The following ATOSA variants were observed in gnomAD, a reference collection of about 807,000 sequenced individuals.
The protein encoded by ATOSA is atos homolog A.
chr15:52,617,020 G>A, the ATOSA span, among the ~76,000 whole-genome samples: 1 of 152,092 alleles, frequency 6.6e-6, no homozygotes, highest in African/African-American at 2.4e-5. Flanking sequence ...TGAAATTAGA[G>A]AAGACAATCA....
the ATOSA span, chr15:52,657,849 T>C: frequency 6.6e-6 from 1 of 152,208 alleles, no homozygotes; most frequent in Non-Finnish European, 1.5e-5. Flanking sequence ...GAGACTATAA[T>C]TTTCTTTTTA....
chr15:52,673,854 G>C, the ATOSA span, among the ~76,000 whole-genome samples: 4 of 152,192 alleles, frequency 2.6e-5, no homozygotes, highest in African/African-American at 9.7e-5. Flanking sequence ...TTATGCTATA[G>C]TTAAGTTCAT....
At chr15:52,662,227 C>T in the ATOSA span, among the ~76,000 whole-genome samples, 1 of 152,096 alleles carries the variant, frequency 6.6e-6, no homozygotes, top group Non-Finnish European at 1.5e-5. Context: ...GAAGATACAT[C>T]TCTACTCTTA....
At chr15:52,609,896 A>G in the ATOSA span, 35 of 1,612,284 alleles carry the variant, frequency 2.2e-5, no homozygotes, top group Non-Finnish European at 3.0e-5. Context: ...TCAACCATTG[A>G]AAATGATTTT....
the ATOSA span, chr15:52,611,909 T>C: frequency 9.8e-5 from 78 of 798,618 alleles, no homozygotes; most frequent in Admixed American, 7.8e-4. Flanking sequence ...TTGCTCAGAA[T>C]TGGCTATCTA....
the ATOSA span, among the ~76,000 whole-genome samples, chr15:52,601,651 T>C: frequency 6.6e-6 from 1 of 151,986 alleles, no homozygotes. Context: ...TTACAGAGAA[T>C]AGATTTGAAA....
the ATOSA span, among the ~76,000 whole-genome samples, chr15:52,600,805 T>A: frequency 6.6e-6 from 1 of 151,546 alleles, no homozygotes; most frequent in Non-Finnish European, 1.5e-5. Context: ...TTTTTTTTTT[T>A]CCGTCAAAGA....
the ATOSA span, chr15:52,600,311 C>T: frequency 1.2e-6 from 1 of 852,340 alleles, no homozygotes; most frequent in African/African-American, 1.7e-5. Context: ...CAGGGTCTCA[C>T]TCTGTCACCC....
chr15:52,669,123 T>C, the ATOSA span, among the ~76,000 whole-genome samples: 1 of 151,944 alleles, frequency 6.6e-6, no homozygotes, highest in Non-Finnish European at 1.5e-5. Context: ...GGTTTCACCA[T>C]TGTTAGCCAG....
the ATOSA span, among the ~76,000 whole-genome samples, chr15:52,596,697 C>T: frequency 2.0e-4 from 31 of 152,124 alleles, no homozygotes; most frequent in Non-Finnish European, 3.4e-4. Context: ...AAACATCCCA[C>T]AATGCACAAA....
the ATOSA span, among the ~76,000 whole-genome samples, chr15:52,660,991 C>A: frequency 3.3e-5 from 5 of 152,154 alleles, no homozygotes; most frequent in Non-Finnish European, 7.4e-5. Context: ...TGGATTATCT[C>A]ATTTCCTCAT....
the ATOSA span, among the ~76,000 whole-genome samples, chr15:52,671,821 C>A: frequency 1.1e-4 from 16 of 150,892 alleles, no homozygotes; most frequent in Non-Finnish European, 1.8e-4. Flanking sequence ...GAAGGAATTT[C>A]GCATACCAGA....
the ATOSA span, among the ~76,000 whole-genome samples, chr15:52,693,107 C>T: frequency 6.6e-6 from 1 of 152,070 alleles, no homozygotes; most frequent in African/African-American, 2.4e-5. Context: ...AAGAGACATA[C>T]AAACGGAAAG....
the ATOSA span, among the ~76,000 whole-genome samples, chr15:52,681,890 T>G: frequency 6.6e-6 from 1 of 152,210 alleles, no homozygotes; most frequent in African/African-American, 2.4e-5. Context: ...ACTGGTTTGC[T>G]CACTTTATGA....
At chr15:52,612,707 G>A in the ATOSA span, among the ~76,000 whole-genome samples, 1 of 151,792 alleles carries the variant, frequency 6.6e-6, no homozygotes, top group South Asian at 2.1e-4. Context: ...GTTTCACTGT[G>A]TTGGCCAGGC....
At chr15:52,706,838 T>G in the ATOSA span, among the ~76,000 whole-genome samples, 1 of 152,134 alleles carries the variant, frequency 6.6e-6, no homozygotes, top group Non-Finnish European at 1.5e-5. Flanking sequence ...TATAAGATAT[T>G]CAGAATACGC....
chr15:52,635,955 C>T, the ATOSA span, among the ~76,000 whole-genome samples: 1 of 150,746 alleles, frequency 6.6e-6, no homozygotes. Context: ...GCCAAGATTG[C>T]ACCACTGCAC....
chr15:52,588,873 A>G, the ATOSA span, among the ~76,000 whole-genome samples: 1 of 152,262 alleles, frequency 6.6e-6, no homozygotes, highest in South Asian at 2.1e-4. Context: ...TCATTATTAT[A>G]CATTGTACAT....
the ATOSA span, among the ~76,000 whole-genome samples, chr15:52,695,991 A>G: frequency 0.81 from 122,520 of 151,988 alleles, 49,760 homozygotes; most frequent in African/African-American, 0.91. Context: ...GAGAGGGGAT[A>G]GAGGCCTAGA....
Sources: allele counts gnomAD v4.1 joint callset (sites outside exome capture counted in the v4.1 genomes callset), GRCh38; gene constraint gnomAD v4.1.1; transcripts MANE v1.5; gene names NCBI Gene and HGNC (gene_info 2026-07-23, HGNC 2026-07-21).